The following LRP2 variants were observed in gnomAD, a reference collection of about 807,000 sequenced individuals.
LRP2 encodes the protein LDL receptor related protein 2.
A neutral mutation model predicts 531.0 loss-of-function variants in LRP2; 172 were observed. That is an observed-to-expected ratio of 0.32 (90% CI 0.29 to 0.37). LRP2 has a LOEUF of 0.37. Ranked by LOEUF, LRP2 falls within the 10% of genes least tolerant of loss-of-function variation. The probability of loss-of-function intolerance (pLI) is 1.00; values close to 1 mark genes in which losing one functional copy is unlikely to be tolerated. For missense variants in LRP2, 5,167 were observed against 5,868.3 expected (o/e 0.88, Z 3.90); for synonymous variants, 1,992 against 2,027.6 (o/e 0.98, Z 0.47).
intron 77 of LRP2, 120 bp downstream of exon 77, chr2:169,132,454 A>G: frequency 1.4e-6 from 1 of 711,370 alleles, no homozygotes; most frequent in Non-Finnish European, 2.6e-6. Context: ...TTAACTGTCA[A>G]CACATCTTGA....
At chr2:169,239,822 T>C (rs1157449276) in intron 25 of LRP2, 47 bp from the exon 26 acceptor site, 2 of 1,521,730 alleles carry the variant, frequency 1.3e-6, no homozygotes, top group South Asian at 2.3e-5. Flanking sequence ...CAAGAATCTT[T>C]GCTTCTTTGA....
chr2:169,313,902 T>C (rs1271499391), intron 3 of LRP2, among the ~76,000 whole-genome samples: 1 of 152,220 alleles, frequency 6.6e-6, no homozygotes, highest in Non-Finnish European at 1.5e-5. Flanking sequence ...TAGTGGTCCG[T>C]GGGTATCTAT....
chr2:169,220,635 C>G, intron 33 of LRP2, 72 bp from the exon 34 acceptor site: 1 of 989,268 alleles, frequency 1.0e-6, no homozygotes, highest in South Asian at 1.4e-5. Flanking sequence ...TGAAGGAGAA[C>G]TTATGTACAA....
At chr2:169,247,082 T>C (rs1690038745) in intron 20 of LRP2, 96 bp from the exon 21 acceptor site, 1 of 1,397,838 alleles carries the variant, frequency 7.2e-7, no homozygotes, top group Non-Finnish European at 9.9e-7. Flanking sequence ...GGACAAAACA[T>C]TTTTCAGACC....
Position 169,240,993 on chromosome 2 carries a change from A to C in LRP2, c.4040T>G (p.Leu1347Arg). Residue 1347 changes from leucine (L) to arginine (R), a missense_variant, in exon 25 of 79, where the codon CTT (leucine) becomes CGT (arginine). Around this residue, in one of 6 missense-constraint regions of LRP2, gnomAD observed 2,811 missense variants for 3,058.0 expected, o/e 0.92. Transcript: ENST00000649046. Reference sequence around the variant, plus strand: ...ACTGTGGTCAGGAAACTTACTGCAAAGTGGGGACTCATCTGTCCCATTGGG... The same window carrying C: ...ACTGTGGTCAGGAAACTTACTGCAACGTGGGGACTCATCTGTCCCATTGGG... ...DCPNGTDESP[L>R]CNGNSCSDFN... is the part of the protein sequence containing the mutation. The C allele has an allele frequency of 6.2e-7, 1 of 1,612,836 alleles. No homozygotes were observed. The highest frequency in any genetic ancestry group is 8.5e-7 in the Non-Finnish European group (1 of 1,180,030).
At position 169,156,298 on chromosome 2, in the gene LRP2, G is replaced by A. The variant is rs887207902; in HGVS notation, c.12127C>T (p.Pro4043Ser). 1.9e-6 allele frequency: 3 copies of A among 1,613,592 alleles called. No individual in the cohort carries two copies. Among genetic ancestry groups the A allele is most frequent in the Non-Finnish European group, 2.5e-6 (3 of 1,179,674 alleles). The change falls in exon 65 of 79, where the codon CCT becomes TCT. Residue 4043 changes from proline to serine, a missense_variant. Physicochemically the swap from Pro to Ser is moderately conservative, Grantham distance 74 (BLOSUM62 -1). This residue lies in a region of LRP2 where 564 missense variants were observed against 747.7 expected (regional missense o/e 0.75). Transcript: ENST00000649046. ...ADGFTSMSDR[P>S]GKRCAAEGSS... ...CCCTCAGCTGCACATCGTTTTCCAG[G>A]GCGGTCACTCATAGACGTGAAGCCA... is the stretch of plus-strand genomic sequence containing the variant.
In LRP2 at chr2:169,172,057, C is replaced by T. The variant is rs1259020982; in HGVS notation, c.11221G>A (p.Gly3741Arg). Reference protein sequence around the residue: ...HCIPLRWQCDGQNDCGDNSDE... With the variant: ...HCIPLRWQCDRQNDCGDNSDE... ...GAGTTATCTCCACAGTCATTTTGCC[C>T]ATCACACTGCCAACGAAGAGGGATG... The change falls in exon 58 of 79, where the codon GGG (glycine) becomes AGG (arginine). Residue 3741 changes from glycine (G) to arginine (R), a missense_variant. Transcript: ENST00000649046. The T allele has an allele frequency of 6.2e-7, 1 of 1,614,056 alleles. No homozygotes were observed. Among genetic ancestry groups the T allele is most frequent in the African/African-American group, 1.3e-5 (1 of 74,932 alleles).
chr2:169,295,245 G>C (rs1684106465), intron 4 of LRP2, among the ~76,000 whole-genome samples: 1 of 152,168 alleles, frequency 6.6e-6, no homozygotes, highest in Non-Finnish European at 1.5e-5. Context: ...TATTTACTGT[G>C]ACTCAAGCTT....
intron 1 of LRP2, among the ~76,000 whole-genome samples, chr2:169,344,937 G>T (rs926451954): frequency 3.3e-5 from 5 of 152,158 alleles, no homozygotes; most frequent in African/African-American, 1.2e-4. Context: ...GGCAGTGACT[G>T]AGATGAGAAG....
intron 42 of LRP2, 40 bp downstream of exon 42, chr2:169,203,942 A>G (rs779807455): frequency 5.6e-6 from 9 of 1,606,380 alleles, no homozygotes; most frequent in Non-Finnish European, 7.7e-6. Context: ...TATTGTGATC[A>G]TTATTCTCCA....
intron 52 of LRP2, among the ~76,000 whole-genome samples, chr2:169,179,276 G>A (rs1042631538): frequency 2.6e-5 from 4 of 151,954 alleles, no homozygotes; most frequent in African/African-American, 9.7e-5. Flanking sequence ...CAAAGAGCTG[G>A]GACTATAAGT....
chr2:169,272,147 C>T (rs900437495), intron 15 of LRP2, among the ~76,000 whole-genome samples: 1 of 152,064 alleles, frequency 6.6e-6, no homozygotes, highest in Non-Finnish European at 1.5e-5. Context: ...GAAACCGCAA[C>T]ATCTGGAGAG....
intron 1 of LRP2, among the ~76,000 whole-genome samples, chr2:169,333,804 G>T (rs973009961): frequency 6.6e-6 from 1 of 152,172 alleles, no homozygotes; most frequent in African/African-American, 2.4e-5. Context: ...CTCACCAGCA[G>T]GTTATCTTTG....
chr2:169,274,999 C>T (rs1261151972), intron 14 of LRP2, 37 bp downstream of exon 14: 12 of 1,591,376 alleles, frequency 7.5e-6, no homozygotes, highest in South Asian at 3.3e-5. Flanking sequence ...CCACCAAGTC[C>T]GGTACCAAGC....
intron 2 of LRP2, 68 bp downstream of exon 2, chr2:169,320,709 C>T: frequency 7.7e-7 from 1 of 1,292,770 alleles, no homozygotes; most frequent in East Asian, 2.3e-5. Flanking sequence ...CTCTTTGTTA[C>T]AGCTGAAATC....
At chr2:169,327,837 T>A (rs1574262014) in intron 1 of LRP2, among the ~76,000 whole-genome samples, 1 of 65,036 alleles carries the variant, frequency 1.5e-5, no homozygotes. Flanking sequence ...TACTGGGAAG[T>A]GAGGAGCCCC....
intron 76 of LRP2, among the ~76,000 whole-genome samples, chr2:169,134,956 A>G (rs11892075): frequency 0.7 from 106,557 of 151,968 alleles, 37,915 homozygotes; most frequent in South Asian, 0.76. Context: ...TGTCCCTCAC[A>G]GTCAGTTTTT....
Position 169,289,148 on chromosome 2 carries a change from A to G in LRP2, c.923-3T>C, listed in dbSNP as rs1683935502. ...CAAGGCAGAGCACAGAGTCATACCT[A>G]AACGAAGAAAAGAACTTTGTTAAAT... On this transcript the variant is annotated splice_polypyrimidine_tract_variant and splice_region_variant and intron_variant, in intron 8 of 78. Transcript: ENST00000649046. 1 of 1,614,022 alleles carries G rather than the reference A, an allele frequency of 6.2e-7. No individual in the cohort carries two copies. The highest frequency in any genetic ancestry group is 8.5e-7 in the Non-Finnish European group (1 of 1,179,900).
intron 61 of LRP2, among the ~76,000 whole-genome samples, chr2:169,167,111 T>C (rs550121148): frequency 1.5e-3 from 227 of 152,392 alleles, no homozygotes; most frequent in Middle Eastern, 6.8e-3. Flanking sequence ...AGTTTATTTT[T>C]ACTAGCTATG....
Sources: allele counts gnomAD v4.1 joint callset (sites outside exome capture counted in the v4.1 genomes callset), GRCh38; gene constraint gnomAD v4.1.1; regional missense constraint gnomAD v4.1.1; transcripts MANE v1.5; gene names NCBI Gene and HGNC (gene_info 2026-07-23, HGNC 2026-07-21).